The following SOCS7 variants were observed in gnomAD, a reference collection of about 807,000 sequenced individuals.
SOCS7 encodes the protein suppressor of cytokine signaling 7, also known as NAP-4.
Under a neutral mutation model 58.9 loss-of-function variants are expected in SOCS7, and 18 were observed. The observed-to-expected ratio is 0.31, with a 90% confidence interval of 0.21 to 0.45. SOCS7 has a LOEUF of 0.45. SOCS7 is among the 20% of genes least tolerant of loss of function. The probability of loss-of-function intolerance (pLI) is 1.00; values close to 1 mark genes in which losing one functional copy is unlikely to be tolerated. For synonymous variants in SOCS7, 388 were observed against 364.3 expected (o/e 1.06, Z -0.74); for missense variants, 667 against 837.3 (o/e 0.80, Z 2.51).
intron 1 of SOCS7, among the ~76,000 whole-genome samples, chr17:38,355,905 G>A (rs1363544277): frequency 6.6e-6 from 1 of 152,046 alleles, no homozygotes; most frequent in Non-Finnish European, 1.5e-5. Context: ...TTGTTTTGAG[G>A]TGGAGTCTTG....
rs2037576060 is a variant in SOCS7, at chr17:38,352,826, T to C, written c.774T>C (p.Pro258=). 6.4e-7 allele frequency: 1 copy of C among 1,564,160 alleles called. No homozygotes were observed. The highest frequency in any genetic ancestry group is 1.4e-5 in the African/African-American group (1 of 73,668). Residue 258 remains proline, a synonymous_variant, in exon 1 of 10, where the codon CCT becomes CCC. Transcript: ENST00000612932. This position sits in a 1 kb window ranked among gnomAD's most constrained non-coding sequence, Gnocchi z 5.5. ...AGCAACCTCCCCCGCCCCCGCCTCC[T>C]CCCGGGCCCCTCCGGCCACTCGCGG... ...QQQQPPPPPP[P]PGPLRPLAGP... is the part of the protein sequence containing the mutation.
intron 7 of SOCS7, among the ~76,000 whole-genome samples, chr17:38,386,323 CAAAAAAAAAAAA>C (rs548448434): frequency 1.9e-5 from 1 of 51,802 alleles, no homozygotes; most frequent in African/African-American, 7.7e-5. Flanking sequence ...GGCTGTGTCT[CAAAAAAAAAAAA>C]AAAAAAAAAA....
At chr17:38,365,232 C>T in intron 3 of SOCS7, 76 bp from the exon 4 acceptor site, 2 of 1,109,618 alleles carry the variant, frequency 1.8e-6, no homozygotes. Flanking sequence ...GATAGTCCTT[C>T]TCCCTCTCCT....
At position 38,394,664 on chromosome 17, in the gene SOCS7, C is replaced by T. The variant is rs571087109; in HGVS notation, c.1682-645C>T. 2.0e-5 allele frequency among the ~76,000 whole-genome samples: 3 copies of T among 152,298 alleles called. No homozygotes were observed. The East Asian group carries it at 5.8e-4, about 29-fold the overall frequency. On this transcript the variant is annotated intron_variant, in intron 7 of 9. Transcript: ENST00000612932. ...TTTGATTCTTGGCCTTCCCGAGAGC[C>T]TCAGGCCTGGGATTGGCCACTTGGG...
intron 1 of SOCS7, among the ~76,000 whole-genome samples, chr17:38,356,440 C>T (rs1433011340): frequency 1.3e-5 from 2 of 151,582 alleles, no homozygotes; most frequent in Non-Finnish European, 2.9e-5. Flanking sequence ...TGCAGTGGCC[C>T]GATCTTGGCT....
At chr17:38,374,210 ACT>A (rs2037903567) in intron 6 of SOCS7, among the ~76,000 whole-genome samples, 1 of 149,776 alleles carries the variant, frequency 6.7e-6, no homozygotes, top group Non-Finnish European at 1.5e-5. Flanking sequence ...ACCGAGTGAG[ACT>A]CTGTCTCAAA....
rs149948573 is a variant in SOCS7 at position 38,358,395 on chromosome 17, C to T, written c.981-3316C>T. 5.9e-3 allele frequency among the ~76,000 whole-genome samples: 891 copies of T among 152,076 alleles called. 10 individuals carry two copies. The highest frequency in any genetic ancestry group is 0.02 in the African/African-American group (846 of 41,466). On this transcript the variant is annotated intron_variant, in intron 1 of 9. Coordinates refer to ENST00000612932, the MANE Select transcript of SOCS7 (RefSeq NM_014598.4). The stretch of plus-strand genomic sequence containing the variant: ...TATCATTCCAAATGGTTCATGTATA[C>T]AAAAGGGGATATATAAAGTGTATGT...
At chr17:38,358,156 C>G (rs1206462477) in intron 1 of SOCS7, among the ~76,000 whole-genome samples, 1 of 152,180 alleles carries the variant, frequency 6.6e-6, no homozygotes, top group Non-Finnish European at 1.5e-5. Context: ...TCTTTCCCAC[C>G]CTACTCCTCC....
chr17:38,372,881 C>T (rs8080765), intron 6 of SOCS7, among the ~76,000 whole-genome samples: 2,134 of 152,160 alleles, frequency 0.014, 40 homozygotes, highest in African/African-American at 0.048. Flanking sequence ...CCGAGGCGGG[C>T]GGATCACATG....
At position 38,387,106 on chromosome 17, in the gene SOCS7, T is replaced by A. The variant is rs980185377; in HGVS notation, c.1682-8203T>A. On this transcript the variant is annotated intron_variant, in intron 7 of 9. Coordinates refer to ENST00000612932, the MANE Select transcript of SOCS7 (RefSeq NM_014598.4). ...TTAAAAAAAAAAAAAAAAAAAAATATATATATATATATATATATATATGTA... is the reference window on the plus strand; with the variant it reads ...TTAAAAAAAAAAAAAAAAAAAAATAAATATATATATATATATATATATGTA... 2.8e-3 allele frequency among the ~76,000 whole-genome samples: 239 copies of A among 84,826 alleles called. 4 individuals carry two copies. Among genetic ancestry groups the A allele is most frequent in the African/African-American group, 9.0e-3 (130 of 14,482 alleles). The allele number at this position is 84,826 out of a possible 152,430, so 55.6% of individuals were successfully genotyped here. A position where few individuals can be genotyped will look rare whatever the true frequency, so the allele number is the denominator to read the frequency against.
Position 38,387,100 on chromosome 17 carries a change from AAAAT to A in SOCS7, c.1682-8207_1682-8204del, listed in dbSNP as rs1428085166. Reference sequence around the variant, plus strand: ...CTTATCTTAAAAAAAAAAAAAAAAAAAAATATATATATATATATATATATATATG... The same window carrying A: ...CTTATCTTAAAAAAAAAAAAAAAAAAATATATATATATATATATATATATG... On this transcript the variant is annotated intron_variant, in intron 7 of 9. Transcript: ENST00000612932. Among the ~76,000 whole-genome samples the A allele has an allele frequency of 2.2e-3, 185 of 82,946 alleles. 1 individual carries two copies. The highest frequency in any genetic ancestry group is 4.9e-3 in the African/African-American group (61 of 12,492). The allele number at this position is 82,946 out of a possible 152,430, so 54.4% of individuals were successfully genotyped here. A position where few individuals can be genotyped will look rare whatever the true frequency, so the allele number is the denominator to read the frequency against.
chr17:38,352,186 C>T lies in SOCS7; in HGVS notation c.134C>T (p.Pro45Leu), dbSNP rs2144298656. 5.4e-6 allele frequency: 7 copies of T among 1,301,126 alleles called. No homozygotes were observed. Among genetic ancestry groups the T allele is most frequent in the East Asian group, 3.2e-5 (1 of 31,554 alleles). 80.6% of individuals were successfully genotyped at this position (1,301,126 alleles called of 1,614,324 possible). Reference sequence around the variant, plus strand: ...CCGCCACCGCCCCCGGGCCATGGCCCCCCGCCGCCACCCTTCCTCGCGCGG... The same window carrying T: ...CCGCCACCGCCCCCGGGCCATGGCCTCCCGCCGCCACCCTTCCTCGCGCGG... The part of the protein sequence containing the change: ...GPPPPPPGHG[P>L]PPPPFLARPG... Residue 45 changes from proline to leucine, a missense_variant, in exon 1 of 10, where the codon CCC becomes CTC. Pro to Leu is a moderately conservative substitution (Grantham distance 98, BLOSUM62 -3). Transcript: ENST00000612932. This position sits in a 1 kb window ranked among gnomAD's most constrained non-coding sequence, Gnocchi z 5.5.
chr17:38,394,377 TG>T (rs1332410258), intron 7 of SOCS7, among the ~76,000 whole-genome samples: 1 of 152,204 alleles, frequency 6.6e-6, no homozygotes. Flanking sequence ...CTGGGGGTTA[TG>T]GGGGTTGGGT....
At position 38,367,989 on chromosome 17, in the gene SOCS7, C is replaced by T. The variant is rs1555568643; in HGVS notation, c.1491C>T (p.Ile497=). The stretch of plus-strand genomic sequence containing the variant: ...GAGACAGTTCTGATCCTCGTTACAT[C>T]CTGAGCCTCAGTTTCCGATCACAGG... ...LVRDSSDPRY[I]LSLSFRSQGI... is the part of the protein sequence containing the mutation. The change falls in exon 6 of 10, where the codon ATC becomes ATT. Residue 497 remains isoleucine (I), a synonymous_variant. Transcript: ENST00000612932. 1.2e-6 allele frequency: 2 copies of T among 1,613,992 alleles called. No homozygotes were observed. The highest frequency in any genetic ancestry group is 1.7e-6 in the Non-Finnish European group (2 of 1,180,014).
chr17:38,397,512 TCACAG>T (rs2038260328), intron 9 of SOCS7, among the ~76,000 whole-genome samples: 1 of 152,088 alleles, frequency 6.6e-6, no homozygotes, highest in Non-Finnish European at 1.5e-5. Context: ...CCCTCCCATG[TCACAG>T]CAAAAAGAGA....
At chr17:38,364,897 G>T (rs777253387) in intron 3 of SOCS7, 41 bp downstream of exon 3, 1 of 1,493,814 alleles carries the variant, frequency 6.7e-7, no homozygotes, top group Non-Finnish European at 9.3e-7. Context: ...CCTAGTGGGA[G>T]GGTGAGCTCC....
intron 7 of SOCS7, among the ~76,000 whole-genome samples, chr17:38,378,929 A>G (rs2037965552): frequency 6.6e-6 from 1 of 151,854 alleles, no homozygotes; most frequent in Admixed American, 6.6e-5. Flanking sequence ...AGGCTGAGAC[A>G]GGCAGATTGC....
rs368529614 is a variant in SOCS7 at position 38,352,917 on chromosome 17, G to A, written c.865G>A (p.Gly289Ser). 1.2e-5 allele frequency: 19 copies of A among 1,606,748 alleles called. No individual in the cohort carries two copies. The highest frequency in any genetic ancestry group is 1.4e-5 in the Non-Finnish European group (17 of 1,177,838). Residue 289 changes from glycine (G) to serine (S), a missense_variant, in exon 1 of 10, where the codon GGT becomes AGT. This residue lies in a region of SOCS7 where 208 missense variants were observed against 190.3 expected (regional missense o/e 1.09). Coordinates refer to ENST00000612932, the MANE Select transcript of SOCS7 (RefSeq NM_014598.4). The surrounding 1 kb of genome is among the most constrained non-coding windows in gnomAD (Gnocchi z 5.5). The stretch of plus-strand genomic sequence containing the variant: ...CCTCTTTCGCACCAAGAGCTGCAAC[G>A]GTGGCTCCGGCGGTGGGGATGGGAC... ...SRLFRTKSCN[G>S]GSGGGDGTGK...
intron 7 of SOCS7, among the ~76,000 whole-genome samples, chr17:38,393,034 G>A (rs2038192257): frequency 6.6e-6 from 1 of 151,918 alleles, no homozygotes; most frequent in Admixed American, 6.6e-5. Context: ...TTTAGAGACA[G>A]GGTCATACTT....
Sources: gnomAD v4.1 joint callset for allele counts (sites outside exome capture counted in the v4.1 genomes callset) on GRCh38, gnomAD v4.1.1 for gene constraint, gnomAD v4.1.1 regional missense constraint, Gnocchi (gnomAD v3.1) non-coding constraint, MANE v1.5 for transcripts, NCBI Gene and HGNC (gene_info 2026-07-23, HGNC 2026-07-21) for gene names.